Variants in CTSV observed in about 807,000 individuals in gnomAD.
The protein encoded by CTSV is cathepsin L2.
CTSV carries 33 observed loss-of-function variants against 35.6 expected under a neutral mutation model. That is an observed-to-expected ratio of 0.93 (90% confidence interval 0.70 to 1.24). The LOEUF is 1.24. CTSV is among the 50% of genes most tolerant of loss of function. The pLI, the probability that CTSV is intolerant of heterozygous loss-of-function variation, is 0.00. For synonymous variants in CTSV, 154 were observed against 147.1 expected (o/e 1.05, Z -0.34); for missense variants, 408 against 413.1 (o/e 0.99, Z 0.11).
At position 97,035,618 on chromosome 9, in the gene CTSV, C is replaced by T. The variant is rs1828834098; in HGVS notation, c.697G>A (p.Glu233Lys). ...TGFTVVAPGK[E>K]KALMKAVATV... The stretch of plus-strand genomic sequence containing the variant: ...GCGACTGCTTTCATCAGGGCCTTCT[C>T]CTTTCCAGGTGCGACCACTGTGAAG... Residue 233 changes from glutamate (E) to lysine (K), a missense_variant, in exon 6 of 8, where the codon GAG becomes AAG. Transcript: ENST00000259470. 2 of 1,606,152 alleles carry T rather than the reference C, an allele frequency of 1.2e-6. No homozygotes were observed. The highest frequency in any genetic ancestry group is 1.7e-6 in the Non-Finnish European group (2 of 1,175,596).
At chr9:97,033,513 G>C (rs1828791355) in intron 7 of CTSV, among the ~76,000 whole-genome samples, 1 of 151,960 alleles carries the variant, frequency 6.6e-6, no homozygotes, top group South Asian at 2.1e-4. Context: ...GGAGGCTGAG[G>C]CAGGAGAATC....
chr9:97,037,807 G>T (rs1828881843), intron 2 of CTSV, 111 bp downstream of exon 2: 16 of 1,460,758 alleles, frequency 1.1e-5, no homozygotes, highest in Non-Finnish European at 1.3e-5. Flanking sequence ...GTGCTGTTAG[G>T]TTATTGCCTG....
chr9:97,032,971 G>A lies in CTSV; in HGVS notation c.983C>T (p.Ala328Val), dbSNP rs1828779982. ...AGCTCACACATTGGGGTAGCTGGCT[G>A]CTGTGGCGATTCCACAGTGGTTGTT... The part of the protein sequence containing the change: ...DKNNHCGIAT[A>V]ASYPNV The change falls in exon 8 of 8, where the codon GCA becomes GTA. Residue 328 changes from alanine to valine, a missense_variant. Physicochemically the swap from Ala to Val is moderately conservative, Grantham distance 64. Coordinates refer to ENST00000259470, the MANE Select transcript of CTSV (RefSeq NM_001333.4). 4.3e-6 allele frequency: 7 copies of A among 1,612,688 alleles called. No individual in the cohort carries two copies. Among genetic ancestry groups the A allele is most frequent in the Non-Finnish European group, 5.9e-6 (7 of 1,179,188 alleles).
At position 97,030,022 on chromosome 9, in the gene CTSV, AT is replaced by A. The variant is rs1326490675; in HGVS notation, c.*2926del. On this transcript the variant is annotated 3_prime_UTR_variant, in exon 8 of 8. Coordinates refer to ENST00000259470, the MANE Select transcript of CTSV (RefSeq NM_001333.4). The stretch of plus-strand genomic sequence containing the variant: ...TAGGTTTGTGTCAGTGTACTCTATG[AT>A]GTTCACGTCACGATGAAATCACCCA... 1 of 152,200 alleles carries A rather than the reference AT, an allele frequency of 6.6e-6. No homozygotes were observed. The highest frequency in any genetic ancestry group is 6.5e-5 in the Admixed American group (1 of 15,286). The allele number at this position is 152,200 out of a possible 1,614,324, so 9.4% of individuals were successfully genotyped here. A position where few individuals can be genotyped will look rare whatever the true frequency, so the allele number is the denominator to read the frequency against.
rs377060936 is a variant in CTSV at position 97,035,521 on chromosome 9, CACTT to C, written c.787+3_787+6del. On this transcript the variant is annotated splice_donor_5th_base_variant and intron_variant, in intron 6 of 7. Coordinates refer to ENST00000259470, the MANE Select transcript of CTSV (RefSeq NM_001333.4). ...TGCCTAAATTTCTATAATAAAATGA[CACTT>C]ACCTGATTTGTAGAACTGGAAGGAC... 2.1e-5 allele frequency: 31 copies of C among 1,487,920 alleles called. No homozygotes were observed. The East Asian group carries it at 6.2e-4, about 30-fold the overall frequency. 92.2% of individuals were successfully genotyped at this position (1,487,920 alleles called of 1,614,324 possible). A position where few individuals can be genotyped will look rare whatever the true frequency, so the allele number is the denominator to read the frequency against.
chr9:97,037,784 G>T, intron 2 of CTSV, 134 bp downstream of exon 2: 1 of 1,375,378 alleles, frequency 7.3e-7, no homozygotes, highest in Non-Finnish European at 1.0e-6. Context: ...TGCCCATATT[G>T]CACCTATAAT....
chr9:97,039,264 G>T (rs955653110), upstream of CTSV: 5 of 152,262 alleles, frequency 3.3e-5, no homozygotes, highest in Non-Finnish European at 5.9e-5. Flanking sequence ...GAGCCCGCGC[G>T]TGACGCAGCC....
intron 6 of CTSV, 70 bp from the exon 7 acceptor site, chr9:97,034,913 C>T: frequency 8.8e-7 from 1 of 1,140,214 alleles, no homozygotes; most frequent in Non-Finnish European, 1.3e-6. Flanking sequence ...ACCCTACCAC[C>T]CTCCATAAGG....
In CTSV at chr9:97,034,758, C is replaced by A; in HGVS notation, c.873G>T (p.Ser291=). 14 of 1,613,950 alleles carry A rather than the reference C, an allele frequency of 8.7e-6. No individual in the cohort carries two copies. The highest frequency in any genetic ancestry group is 1.1e-5 in the Non-Finnish European group (13 of 1,179,952). Residue 291 remains serine, a synonymous_variant, in exon 7 of 8, where the codon TCG becomes TCT. Coordinates refer to ENST00000259470, the MANE Select transcript of CTSV (RefSeq NM_001333.4). The part of the protein sequence containing the change: ...VVGYGFEGAN[S]NNSKYWLVKN... ...TGACGAGCCAATACTTGCTGTTATTCGAATTTGCTCCTTCAAAGCCGTAGC... is the reference window on the plus strand; with the variant it reads ...TGACGAGCCAATACTTGCTGTTATTAGAATTTGCTCCTTCAAAGCCGTAGC...
rs535129452 is a variant in CTSV, at chr9:97,037,885, G to C, written c.126+33C>G. 8 of 1,608,428 alleles carry C rather than the reference G, an allele frequency of 5.0e-6. No homozygotes were observed. In the Admixed American group the frequency reaches 5.0e-5, roughly 10 times the overall value. On this transcript the variant is annotated intron_variant, in intron 2 of 7. Coordinates refer to ENST00000259470, the MANE Select transcript of CTSV (RefSeq NM_001333.4). ...CCAACAGCGAGGACCATTCTCTCCA[G>C]AGTCCCTCTGGACAGTTTCAGATGT...
At chr9:97,038,506 C>G (rs1351970196) in intron 1 of CTSV, 2 of 155,524 alleles carry the variant, frequency 1.3e-5, no homozygotes, top group Non-Finnish European at 2.9e-5. Context: ...TCCAACCTCT[C>G]CTTTTGGAAT....
At position 97,031,144 on chromosome 9, in the gene CTSV, G is replaced by A. The variant is rs920046158; in HGVS notation, c.*1805C>T. On this transcript the variant is annotated 3_prime_UTR_variant, in exon 8 of 8. Coordinates refer to ENST00000259470, the MANE Select transcript of CTSV (RefSeq NM_001333.4). ...ACTCTTTCATTCAATTTAGTGCCTAGATGTTTCCTTAGAGCCTGGGTTGTT... is the reference window on the plus strand; with the variant it reads ...ACTCTTTCATTCAATTTAGTGCCTAAATGTTTCCTTAGAGCCTGGGTTGTT... 11 of 152,128 alleles carry A rather than the reference G, an allele frequency of 7.2e-5. No homozygotes were observed. Among genetic ancestry groups the A allele is most frequent in the African/African-American group, 2.4e-4 (10 of 41,406 alleles). The allele number at this position is 152,128 out of a possible 1,614,324, so 9.4% of individuals were successfully genotyped here.
rs1374862023 is a variant in CTSV, at chr9:97,036,762, A to C, written c.397-15T>G. On this transcript the variant is annotated splice_polypyrimidine_tract_variant and intron_variant, in intron 4 of 7. Transcript: ENST00000259470. The stretch of plus-strand genomic sequence containing the variant: ...CCACACTGTTTCTAAAAAGGGAGAA[A>C]AAAAAAGCTGTAAATTTACAAGACC... The C allele has an allele frequency of 6.4e-7, 1 of 1,571,296 alleles. No individual in the cohort carries two copies. Among genetic ancestry groups the C allele is most frequent in the African/African-American group, 1.4e-5 (1 of 72,562 alleles).
chr9:97,031,482 C>G lies in CTSV; in HGVS notation c.*1467G>C, dbSNP rs547814752. 25 of 152,200 alleles carry G rather than the reference C, an allele frequency of 1.6e-4. No homozygotes were observed. Among genetic ancestry groups the G allele is most frequent in the Non-Finnish European group, 2.9e-4 (20 of 68,034 alleles). 9.4% of individuals were successfully genotyped at this position (152,200 alleles called of 1,614,324 possible). A position where few individuals can be genotyped will look rare whatever the true frequency, so the allele number is the denominator to read the frequency against. ...CCTGCAGAATGTGGGTATATCTTTACTATTTTCTCCTGCTCATAAAAATAC... is the reference window on the plus strand; with the variant it reads ...CCTGCAGAATGTGGGTATATCTTTAGTATTTTCTCCTGCTCATAAAAATAC... On this transcript the variant is annotated 3_prime_UTR_variant, in exon 8 of 8. Transcript: ENST00000259470.
At chr9:97,036,832 T>TA (rs112026309) in intron 4 of CTSV, 85 bp from the exon 5 acceptor site, 115,017 of 844,182 alleles carry the variant, frequency 0.14, 3,514 homozygotes, top group African/African-American at 0.38. Flanking sequence ...TAATATTCTT[T>TA]AAAAAAAAAA....
At chr9:97,033,680 C>A (rs1283150465) in intron 7 of CTSV, among the ~76,000 whole-genome samples, 1 of 152,044 alleles carries the variant, frequency 6.6e-6, no homozygotes, top group Non-Finnish European at 1.5e-5. Context: ...TGCCTATAGT[C>A]CCAGCTACTT....
In CTSV at chr9:97,036,738, C is replaced by G; in HGVS notation, c.406G>C (p.Gly136Arg). 6.3e-7 allele frequency: 1 copy of G among 1,594,488 alleles called. No homozygotes were observed. The highest frequency in any genetic ancestry group is 8.5e-7 in the Non-Finnish European group (1 of 1,172,852). Residue 136 changes from glycine to arginine, a missense_variant, in exon 5 of 8, where the codon GGT becomes CGT. Gly to Arg is a moderately radical substitution (Grantham distance 125). Coordinates refer to ENST00000259470, the MANE Select transcript of CTSV (RefSeq NM_001333.4). Reference protein sequence around the residue: ...VTPVKNQKQCGSCWAFSATGA... With the variant: ...VTPVKNQKQCRSCWAFSATGA... ...GTCGCACTAAAAGCCCAACAAGAAC[C>G]ACACTGTTTCTAAAAAGGGAGAAAA...
At chr9:97,036,097 G>A (rs1828844376) in intron 5 of CTSV, among the ~76,000 whole-genome samples, 1 of 150,264 alleles carries the variant, frequency 6.7e-6, no homozygotes. Flanking sequence ...TTGAGATGGA[G>A]TCTCGCTCTG....
chr9:97,035,900 C>T (rs1029809032), intron 5 of CTSV, among the ~76,000 whole-genome samples: 1 of 152,140 alleles, frequency 6.6e-6, no homozygotes, highest in Non-Finnish European at 1.5e-5. Context: ...CTAGGTCAAT[C>T]TGTCCATAAA....
Sources: gnomAD v4.1 joint callset for allele counts (sites outside exome capture counted in the v4.1 genomes callset) on GRCh38, gnomAD v4.1.1 for gene constraint, MANE v1.5 for transcripts, NCBI Gene and HGNC (gene_info 2026-07-23, HGNC 2026-07-21) for gene names.